The following PRKCE variants were observed in gnomAD, a reference collection of about 807,000 sequenced individuals.
The protein encoded by PRKCE is protein kinase C epsilon, also known as protein kinase C epsilon type.
A neutral mutation model predicts 85.4 loss-of-function variants in PRKCE; 16 were observed. The observed-to-expected ratio is 0.19, with a 90% CI of 0.13 to 0.28. The LOEUF is 0.28. Ranked by LOEUF, PRKCE falls within the 10% of genes least tolerant of loss-of-function variation. PRKCE has a pLI of 1.00. For missense variants in PRKCE, 573 were observed against 975.2 expected, an observed-to-expected ratio of 0.59 and a Z score of 5.49; for synonymous variants, 388 against 371.5, an observed-to-expected ratio of 1.04 and a Z score of -0.51.
In PRKCE at chr2:45,791,828, C is replaced by T. The variant is rs555723478; in HGVS notation, c.349-51172C>T. 3.3e-5 allele frequency among the ~76,000 whole-genome samples: 5 copies of T among 152,298 alleles called. No individual in the cohort carries two copies. The East Asian group carries it at 7.7e-4, about 24-fold the overall frequency. ...GGAGCATAATGGTCAGGAGCACGGGCTTTGACCCCAGCTCTCTCAATGAGA... is the reference window on the plus strand; with the variant it reads ...GGAGCATAATGGTCAGGAGCACGGGTTTTGACCCCAGCTCTCTCAATGAGA... On this transcript the variant is annotated intron_variant, in intron 1 of 14. Transcript: ENST00000306156.
At chr2:46,129,916 A>C (rs1408000942) in intron 11 of PRKCE, among the ~76,000 whole-genome samples, 1 of 152,260 alleles carries the variant, frequency 6.6e-6, no homozygotes, top group African/African-American at 2.4e-5. Context: ...GTTTTCAAAA[A>C]AGAGCAGGTA....
At chr2:46,013,330 C>T (rs1485898197) in intron 10 of PRKCE, among the ~76,000 whole-genome samples, 3 of 152,162 alleles carry the variant, frequency 2.0e-5, no homozygotes, top group Non-Finnish European at 4.4e-5. Context: ...GAAGGATTCA[C>T]TGATAATAGA....
chr2:45,744,709 A>G (rs1216173886), intron 1 of PRKCE, among the ~76,000 whole-genome samples: 2 of 151,652 alleles, frequency 1.3e-5, no homozygotes, highest in Non-Finnish European at 2.9e-5. Flanking sequence ...CCAGAGCTCA[A>G]GCGATTCTCC....
intron 2 of PRKCE, among the ~76,000 whole-genome samples, chr2:45,952,770 A>G (rs944282444): frequency 7.9e-5 from 12 of 152,288 alleles, no homozygotes; most frequent in Middle Eastern, 3.4e-3. Context: ...CAGGAACACA[A>G]CTTTTTATAG....
intron 1 of PRKCE, among the ~76,000 whole-genome samples, chr2:45,728,265 A>G (rs938270917): frequency 2.6e-5 from 4 of 152,264 alleles, no homozygotes; most frequent in African/African-American, 9.6e-5. Context: ...TAGGGCAAGT[A>G]GAAATTTCTC....
At chr2:46,091,174 C>T (rs997767768) in intron 11 of PRKCE, among the ~76,000 whole-genome samples, 2 of 152,028 alleles carry the variant, frequency 1.3e-5, no homozygotes, top group African/African-American at 4.8e-5. Flanking sequence ...GGGTTCCTGT[C>T]CCTTGTGCTG....
At chr2:45,717,180 A>G (rs1325439307) in intron 1 of PRKCE, among the ~76,000 whole-genome samples, 1 of 152,224 alleles carries the variant, frequency 6.6e-6, no homozygotes, top group Non-Finnish European at 1.5e-5. Context: ...CTAGGCCCAG[A>G]TGAGGATGAT....
chr2:45,722,373 C>A (rs2104469857), intron 1 of PRKCE, among the ~76,000 whole-genome samples: 1 of 152,234 alleles, frequency 6.6e-6, no homozygotes, highest in Non-Finnish European at 1.5e-5. Context: ...AGCCTCTGGA[C>A]TCTCCTGAGA....
intron 1 of PRKCE, among the ~76,000 whole-genome samples, chr2:45,705,222 G>A (rs2104295089): frequency 6.6e-6 from 1 of 152,310 alleles, no homozygotes; most frequent in Non-Finnish European, 1.5e-5. Context: ...GTTCCGAGCA[G>A]CGCTAGGGGC....
At chr2:45,815,413 G>A (rs1169534151) in intron 1 of PRKCE, among the ~76,000 whole-genome samples, 2 of 152,128 alleles carry the variant, frequency 1.3e-5, no homozygotes, top group African/African-American at 4.8e-5. Flanking sequence ...GACTGCCCCA[G>A]CCTACGCCAT....
At chr2:46,028,263 G>C (rs1182687145) in intron 10 of PRKCE, among the ~76,000 whole-genome samples, 1 of 152,202 alleles carries the variant, frequency 6.6e-6, no homozygotes, top group Non-Finnish European at 1.5e-5. Flanking sequence ...TTCTTAAAGA[G>C]TAACCTAGCC....
At chr2:45,897,322 C>G (rs72802803) in intron 2 of PRKCE, among the ~76,000 whole-genome samples, 1 of 152,130 alleles carries the variant, frequency 6.6e-6, no homozygotes, top group Non-Finnish European at 1.5e-5. Flanking sequence ...TGTAGACCTG[C>G]GGACACTGAT....
At chr2:45,821,091 C>G (rs910838473) in intron 1 of PRKCE, among the ~76,000 whole-genome samples, 4 of 152,094 alleles carry the variant, frequency 2.6e-5, no homozygotes, top group African/African-American at 9.7e-5. Context: ...TCAGGACTTC[C>G]AAGGCTAGTC....
chr2:45,885,407 T>G (rs1695220552), intron 2 of PRKCE, among the ~76,000 whole-genome samples: 1 of 152,180 alleles, frequency 6.6e-6, no homozygotes, highest in African/African-American at 2.4e-5. Context: ...ACCTTCTGCC[T>G]GGGACATTTA....
chr2:46,153,534 C>T (rs80284834), intron 13 of PRKCE, among the ~76,000 whole-genome samples: 10,002 of 152,210 alleles, frequency 0.066, 403 homozygotes, highest in Non-Finnish European at 0.089. Flanking sequence ...ATGCCTGTCC[C>T]ATGAGGGGAC....
intron 1 of PRKCE, among the ~76,000 whole-genome samples, chr2:45,662,484 ACTCCTATTAATTTCCCAGCT>A (rs1433410629): frequency 6.6e-6 from 1 of 151,708 alleles, no homozygotes; most frequent in Non-Finnish European, 1.5e-5. Context: ...GAGTCAGGTG[ACTCCTATTAATTTCCCAGCT>A]GTGAAATCAG....
chr2:45,960,204 C>A (rs185143205), intron 2 of PRKCE, among the ~76,000 whole-genome samples: 2 of 152,260 alleles, frequency 1.3e-5, no homozygotes, highest in African/African-American at 4.8e-5. Context: ...AACTTTGGAA[C>A]CGGTCTGGCC....
chr2:46,104,792 A>G (rs1671561197), intron 11 of PRKCE, among the ~76,000 whole-genome samples: 2 of 152,272 alleles, frequency 1.3e-5, no homozygotes, highest in South Asian at 4.1e-4. Context: ...CCAATCTAGA[A>G]AAAGTGTTCT....
At chr2:45,704,511 G>A (rs1678944115) in intron 1 of PRKCE, among the ~76,000 whole-genome samples, 1 of 152,164 alleles carries the variant, frequency 6.6e-6, no homozygotes, top group Non-Finnish European at 1.5e-5. Context: ...GAGTGTTGGG[G>A]GTTTCCTTAG....
Sources: gnomAD v4.1 joint callset for allele counts (sites outside exome capture counted in the v4.1 genomes callset) on GRCh38, gnomAD v4.1.1 for gene constraint, MANE v1.5 for transcripts, NCBI Gene and HGNC (gene_info 2026-07-23, HGNC 2026-07-21) for gene names.